PHF10: variants seen among roughly 807,000 people sequenced by gnomAD.
PHF10 encodes the protein BRG1-associated factor 45a.
Under a neutral mutation model 68.5 loss-of-function variants are expected in PHF10, and 51 were observed. That is an observed-to-expected ratio of 0.74 (90% CI 0.59 to 0.94). The LOEUF (loss-of-function observed/expected upper bound fraction) is 0.94, where lower values mean the gene tolerates loss of function less well. Among genes scored for constraint, PHF10 ranks in the 40% least tolerant of loss-of-function variants. The pLI is 0.00. For missense variants in PHF10, 460 were observed against 602.6 expected (o/e 0.76, Z 2.48); for synonymous variants, 204 against 203.5 (o/e 1.00, Z -0.02).
At chr6:169,723,677 G>A (rs577652152) in intron 1 of PHF10, among the ~76,000 whole-genome samples, 168 bp downstream of exon 1, 1 of 151,832 alleles carries the variant, frequency 6.6e-6, no homozygotes, top group South Asian at 2.1e-4. Flanking sequence ...GAGGCCGCGG[G>A]CTCACCTCGG....
chr6:169,723,045 C>CCGGCTAGGCTGCTACAGGA (rs1295647635), intron 1 of PHF10, among the ~76,000 whole-genome samples: 4 of 152,256 alleles, frequency 2.6e-5, no homozygotes, highest in Non-Finnish European at 5.9e-5. Flanking sequence ...CAGGCGCAGC[C>CCGGCTAGGCTGCTACAGGA]CGGCTAGGCT....
rs140331004 is a variant in PHF10, at chr6:169,704,961, T to G, written c.1411+172A>C. 515 of 437,892 alleles carry G rather than the reference T, an allele frequency of 1.2e-3. 6 individuals are homozygous for G. The highest frequency in any genetic ancestry group is 9.9e-3 in the African/African-American group (487 of 49,210). 27.1% of individuals were successfully genotyped at this position (437,892 alleles called of 1,614,324 possible). On this transcript the variant is annotated intron_variant, in intron 11 of 11. Transcript: ENST00000339209. ...CTTTCACTTATCCTTTAGTTGGAAT[T>G]GTCTAGGGATGAAAAGCTGGTGGAC...
At chr6:169,712,816 T>C (rs1788955755) in intron 7 of PHF10, among the ~76,000 whole-genome samples, 2 of 152,130 alleles carry the variant, frequency 1.3e-5, no homozygotes, top group Admixed American at 1.3e-4. Context: ...GTAAATAAAA[T>C]GTCAGCAGCC....
intron 6 of PHF10, among the ~76,000 whole-genome samples, 182 bp downstream of exon 6, chr6:169,715,526 C>CACT (rs1438392607): frequency 6.6e-6 from 1 of 152,106 alleles, no homozygotes; most frequent in Admixed American, 6.5e-5. Flanking sequence ...GAGATCATGC[C>CACT]ACTGCACTCC....
chr6:169,707,028 T>C (rs1788816312), intron 9 of PHF10: 1 of 152,148 alleles, frequency 6.6e-6, no homozygotes, highest in Non-Finnish European at 1.5e-5. Context: ...GACAGAGGCA[T>C]TCAAAAAGAA....
At chr6:169,712,656 C>T (rs1310602936) in intron 7 of PHF10, 117 bp from the exon 8 acceptor site, 1 of 737,300 alleles carries the variant, frequency 1.4e-6, no homozygotes, top group East Asian at 2.9e-5. Context: ...CTTTTGAAAA[C>T]TAGAGTACTA....
At position 169,708,385 on chromosome 6, in the gene PHF10, G is replaced by A. The variant is rs571882337; in HGVS notation, c.1113+1851C>T. The A allele has an allele frequency of 7.9e-5, 12 of 152,158 alleles. No homozygotes were observed. In the East Asian group the frequency reaches 2.3e-3, roughly 29 times the overall value. The allele number at this position is 152,158 out of a possible 1,614,324, so 9.4% of individuals were successfully genotyped here. A position where few individuals can be genotyped will look rare whatever the true frequency, so the allele number is the denominator to read the frequency against. On this transcript the variant is annotated intron_variant, in intron 9 of 11. Transcript: ENST00000339209. ...GTGAATCTTATTAAGCAAAGCATCA[G>A]ATACATTACTTCCTTGAATCTCGTA...
intron 4 of PHF10, among the ~76,000 whole-genome samples, chr6:169,716,897 T>TA (rs1170831615): frequency 2.6e-5 from 4 of 152,064 alleles, no homozygotes; most frequent in East Asian, 1.9e-4. Context: ...ACCTGCAACT[T>TA]AAAAAAATAT....
rs1442211333 is a variant in PHF10, at chr6:169,705,192, C to T, written c.1352G>A (p.Cys451Tyr). 3.1e-6 allele frequency: 5 copies of T among 1,613,796 alleles called. No homozygotes were observed. Among genetic ancestry groups the T allele is most frequent in the South Asian group, 2.2e-5 (2 of 91,048 alleles). Residue 451 changes from cysteine to tyrosine, a missense_variant, in exon 11 of 12, where the codon TGT (cysteine) becomes TAT (tyrosine). Physicochemically the swap from Cys to Tyr is radical, Grantham distance 194. Transcript: ENST00000339209. ...ATGATAACCTCTGTCACACATATCA[C>T]AGAACATCATTTCTTCTTCATGGTG... ...QPHHEEEMMF[C>Y]DMCDRGYHTF...
chr6:169,705,494 A>C, intron 10 of PHF10, 122 bp downstream of exon 10: 1 of 731,304 alleles, frequency 1.4e-6, no homozygotes, highest in Non-Finnish European at 2.4e-6. Context: ...TATGCCTCAC[A>C]AGCTACCCTG....
At chr6:169,722,948 G>A (rs902016928) in intron 1 of PHF10, among the ~76,000 whole-genome samples, 1 of 152,204 alleles carries the variant, frequency 6.6e-6, no homozygotes, top group Non-Finnish European at 1.5e-5. Context: ...TTACAATCTA[G>A]TTACTTCCAT....
chr6:169,706,900 C>T (rs1203747926), intron 9 of PHF10: 1 of 152,122 alleles, frequency 6.6e-6, no homozygotes. Context: ...AAACAAAACT[C>T]AAACGTTGTA....
chr6:169,720,452 G>C (rs1789149031), intron 2 of PHF10, among the ~76,000 whole-genome samples: 2 of 152,092 alleles, frequency 1.3e-5, no homozygotes, highest in African/African-American at 4.8e-5. Context: ...ACATAAAATG[G>C]AGTATTATTC....
chr6:169,704,119 A>G, intron 11 of PHF10, 31 bp from the exon 12 acceptor site: 6 of 1,530,046 alleles, frequency 3.9e-6, no homozygotes, highest in Non-Finnish European at 5.3e-6. Context: ...ATAGAATGAA[A>G]AATTATCTTT....
At chr6:169,718,118 G>C (rs1418154893) in intron 3 of PHF10, among the ~76,000 whole-genome samples, 1 of 152,186 alleles carries the variant, frequency 6.6e-6, no homozygotes, top group African/African-American at 2.4e-5. Context: ...ATAATCCAAA[G>C]CAAGAAGGTC....
At chr6:169,720,835 T>C (rs1789159188) in intron 2 of PHF10, among the ~76,000 whole-genome samples, 170 bp downstream of exon 2, 1 of 152,212 alleles carries the variant, frequency 6.6e-6, no homozygotes, top group Admixed American at 6.5e-5. Context: ...AAATTGCTTT[T>C]TAATTACACT....
intron 2 of PHF10, among the ~76,000 whole-genome samples, chr6:169,719,873 A>G (rs903442786): frequency 6.6e-6 from 1 of 152,108 alleles, no homozygotes; most frequent in African/African-American, 2.4e-5. Flanking sequence ...GACACTATCA[A>G]GACAGTGAAA....
At chr6:169,715,440 G>A (rs1276445419) in intron 6 of PHF10, among the ~76,000 whole-genome samples, 1 of 152,078 alleles carries the variant, frequency 6.6e-6, no homozygotes, top group Non-Finnish European at 1.5e-5. Flanking sequence ...GGTGGCAGGC[G>A]CCTGTAATCC....
intron 9 of PHF10, chr6:169,709,587 T>A: frequency 6.6e-6 from 1 of 152,224 alleles, no homozygotes; most frequent in East Asian, 1.9e-4. Context: ...GCTGACAACC[T>A]ACTCCTTTAC....
Sources: allele counts gnomAD v4.1 joint callset (sites outside exome capture counted in the v4.1 genomes callset), GRCh38; gene constraint gnomAD v4.1.1; transcripts MANE v1.5; gene names NCBI Gene and HGNC (gene_info 2026-07-23, HGNC 2026-07-21).